GLRA1: variants seen among roughly 807,000 people sequenced by gnomAD.
GLRA1 encodes the protein glycine receptor alpha 1, also known as glycine receptor subunit alpha-1.
A neutral mutation model predicts 48.3 loss-of-function variants in GLRA1; 37 were observed. The observed-to-expected ratio is 0.77, with a 90% CI of 0.59 to 1.01. The LOEUF is 1.01. Among genes scored for constraint, GLRA1 ranks in the 50% least tolerant of loss-of-function variants. The pLI, the probability that GLRA1 is intolerant of heterozygous loss-of-function variation, is 0.00. For missense variants in GLRA1, 427 were observed against 571.0 expected (o/e 0.75, Z 2.57); for synonymous variants, 196 against 210.7 (o/e 0.93, Z 0.60).
At position 151,859,789 on chromosome 5, in the gene GLRA1, T is replaced by A; in HGVS notation, c.472A>T (p.Ile158Phe). 6.2e-7 allele frequency: 1 copy of A among 1,607,442 alleles called. No homozygotes were observed. The highest frequency in any genetic ancestry group is 8.5e-7 in the Non-Finnish European group (1 of 1,173,888). ...ISRNGNVLYS[I>F]RITLTLACPM... ...GTGAACCTGGTCAGAACTCACCTGA[T>A]GCTGTAGAGGACATTCCCATTCCGG... The change falls in exon 4 of 9, where the codon ATC becomes TTC. Residue 158 changes from isoleucine (I) to phenylalanine (F), a missense_variant. Ile to Phe is a conservative substitution (Grantham distance 21). Around this residue, in one of 4 missense-constraint regions of GLRA1, gnomAD observed 271 missense variants for 434.9 expected, o/e 0.62. Coordinates refer to ENST00000274576, the MANE Select transcript of GLRA1 (RefSeq NM_000171.4).
intron 3 of GLRA1, among the ~76,000 whole-genome samples, chr5:151,877,678 C>A (rs1324921960): frequency 6.6e-6 from 1 of 152,108 alleles, no homozygotes; most frequent in Non-Finnish European, 1.5e-5. Context: ...CCATGCTGTT[C>A]TCGTGATAGT....
chr5:151,923,276 T>C (rs1008614191), intron 1 of GLRA1, among the ~76,000 whole-genome samples: 1 of 152,238 alleles, frequency 6.6e-6, no homozygotes, highest in African/African-American at 2.4e-5. Context: ...GGAGGTGTCA[T>C]TTAATAAACC....
At chr5:151,893,396 G>T (rs189481736) in intron 1 of GLRA1, among the ~76,000 whole-genome samples, 1 of 149,504 alleles carries the variant, frequency 6.7e-6, no homozygotes, top group East Asian at 2.0e-4. Context: ...GAATGTGCAG[G>T]TTTGTTACAT....
chr5:151,844,193 C>T (rs1360639807), intron 7 of GLRA1, among the ~76,000 whole-genome samples: 1 of 151,042 alleles, frequency 6.6e-6, no homozygotes, highest in Non-Finnish European at 1.5e-5. Flanking sequence ...GAAGTTGGAC[C>T]TCTTCCCTCA....
intron 3 of GLRA1, among the ~76,000 whole-genome samples, chr5:151,876,600 G>A (rs1337828892): frequency 6.6e-6 from 1 of 152,046 alleles, no homozygotes; most frequent in Non-Finnish European, 1.5e-5. Flanking sequence ...TAGACTCCTT[G>A]AAAGCAGAGA....
At chr5:151,850,139 A>G (rs952477955) in intron 7 of GLRA1, 342 of 1,603,762 alleles carry the variant, frequency 2.1e-4, no homozygotes, top group Non-Finnish European at 2.8e-4. Flanking sequence ...ATGGCTTCCC[A>G]GGACCCCAGG....
At chr5:151,826,497 G>C (rs1169030082) in intron 8 of GLRA1, among the ~76,000 whole-genome samples, 1 of 152,160 alleles carries the variant, frequency 6.6e-6, no homozygotes, top group Non-Finnish European at 1.5e-5. Flanking sequence ...AGAACCTCGG[G>C]TTTTTTAGCA....
intron 7 of GLRA1, among the ~76,000 whole-genome samples, chr5:151,831,370 C>T (rs1183486170): frequency 1.3e-5 from 2 of 152,234 alleles, no homozygotes; most frequent in South Asian, 2.1e-4. Flanking sequence ...ATCCCATCCC[C>T]ACGGAGCCCA....
At chr5:151,868,753 G>C (rs923295161) in intron 3 of GLRA1, among the ~76,000 whole-genome samples, 18 of 152,114 alleles carry the variant, frequency 1.2e-4, no homozygotes, top group African/African-American at 4.4e-4. Flanking sequence ...TTAGCAGTCT[G>C]CTAGTGCTTT....
chr5:151,852,248 A>G (rs1752931229), intron 6 of GLRA1, among the ~76,000 whole-genome samples: 1 of 151,944 alleles, frequency 6.6e-6, no homozygotes, highest in Admixed American at 6.6e-5. Flanking sequence ...TGAGCTTTTG[A>G]TCTTGCTCAT....
intron 7 of GLRA1, among the ~76,000 whole-genome samples, chr5:151,837,186 A>G (rs1442505115): frequency 6.6e-6 from 1 of 152,256 alleles, no homozygotes; most frequent in Non-Finnish European, 1.5e-5. Flanking sequence ...GAAGACATTT[A>G]TGCAGTCAAC....
chr5:151,859,173 C>A (rs1178654908), intron 4 of GLRA1, among the ~76,000 whole-genome samples: 8 of 152,134 alleles, frequency 5.3e-5, no homozygotes, highest in Admixed American at 5.2e-4. Flanking sequence ...GACATTTTTT[C>A]ACCTCTTGGA....
At position 151,886,812 on chromosome 5, in the gene GLRA1, C is replaced by T. The variant is rs142691838; in HGVS notation, c.185-24G>A. On this transcript the variant is annotated intron_variant, in intron 2 of 8. Transcript: ENST00000274576. ...ACCTGCCAATCAAGAGAGATTCCTG[C>T]TTAGCCCCAAGGCCATGGAAGAACC... The T allele has an allele frequency of 6.2e-5, 99 of 1,584,552 alleles. No homozygotes were observed. In the East Asian group the frequency reaches 2.1e-3, roughly 33 times the overall value.
chr5:151,904,878 C>T (rs955886920), intron 1 of GLRA1, among the ~76,000 whole-genome samples: 1 of 152,144 alleles, frequency 6.6e-6, no homozygotes, highest in Non-Finnish European at 1.5e-5. Flanking sequence ...TATGAACTTC[C>T]AGAAGCTTTT....
intron 1 of GLRA1, among the ~76,000 whole-genome samples, chr5:151,916,374 C>T (rs756940305): frequency 4.6e-5 from 7 of 152,224 alleles, no homozygotes; most frequent in Non-Finnish European, 8.8e-5. Flanking sequence ...TTGCAGCAGC[C>T]TTGCCGCATT....
chr5:151,887,625 A>T (rs527462485), intron 2 of GLRA1, among the ~76,000 whole-genome samples: 5 of 152,220 alleles, frequency 3.3e-5, no homozygotes, highest in Non-Finnish European at 7.3e-5. Context: ...TGGGTGAGTC[A>T]GAGTTTGAGT....
At chr5:151,904,249 C>A (rs1367884025) in intron 1 of GLRA1, among the ~76,000 whole-genome samples, 1 of 152,156 alleles carries the variant, frequency 6.6e-6, no homozygotes, top group African/African-American at 2.4e-5. Context: ...CCTTTTTACC[C>A]TGTACCTTCA....
At chr5:151,914,810 G>A (rs79732312) in intron 1 of GLRA1, among the ~76,000 whole-genome samples, 1,620 of 152,260 alleles carry the variant, frequency 0.011, 30 homozygotes, top group African/African-American at 0.038. Context: ...TTGAGAGCTC[G>A]TATCTACTTA....
intron 7 of GLRA1, among the ~76,000 whole-genome samples, chr5:151,836,291 T>C (rs112757896): frequency 6.6e-6 from 1 of 152,140 alleles, no homozygotes; most frequent in Non-Finnish European, 1.5e-5. Context: ...AAACCACTGC[T>C]CAAGGAAATA....
Sources: allele counts gnomAD v4.1 joint callset (sites outside exome capture counted in the v4.1 genomes callset), GRCh38; gene constraint gnomAD v4.1.1; regional missense constraint gnomAD v4.1.1; transcripts MANE v1.5; gene names NCBI Gene and HGNC (gene_info 2026-07-23, HGNC 2026-07-21).